SRPK1: variants seen among roughly 807,000 people sequenced by gnomAD.
The protein encoded by SRPK1 is SFRS protein kinase 1.
In SRPK1, 52 loss-of-function variants were observed where a neutral mutation model predicts 89.5. The ratio of observed to expected loss-of-function variants is 0.58; its 90% CI spans 0.46 to 0.73. The LOEUF is 0.73. Ranked by LOEUF, SRPK1 falls within the 30% of genes least tolerant of loss-of-function variation. SRPK1 has a pLI of 0.00. For missense variants in SRPK1, 603 were observed against 780.6 expected (o/e 0.77, Z 2.71); for synonymous variants, 255 against 270.2 (o/e 0.94, Z 0.55).
intron 2 of SRPK1, among the ~76,000 whole-genome samples, chr6:35,903,358 T>C (rs371224794): frequency 1.3e-5 from 2 of 151,958 alleles, no homozygotes; most frequent in African/African-American, 4.8e-5. Flanking sequence ...CTGAAAATAC[T>C]ACAATTAGTC....
chr6:35,865,819 A>T (rs1731780235), intron 12 of SRPK1, among the ~76,000 whole-genome samples: 2 of 152,152 alleles, frequency 1.3e-5, no homozygotes, highest in Admixed American at 6.5e-5. Flanking sequence ...TGAATATAAG[A>T]CCTGAAACTC....
At position 35,857,219 on chromosome 6, in the gene SRPK1, T is replaced by C. The variant is rs759175583; in HGVS notation, c.1620+42A>G. 7.7e-6 allele frequency: 11 copies of C among 1,425,110 alleles called. No homozygotes were observed. The East Asian group carries it at 2.3e-4, about 30-fold the overall frequency. The allele number at this position is 1,425,110 out of a possible 1,614,324, so 88.3% of individuals were successfully genotyped here. ...TGAAATTAGCAAACAGGGCAAGATATGTACCACTTAACAAGTGAAAGCCAA... is the reference window on the plus strand; with the variant it reads ...TGAAATTAGCAAACAGGGCAAGATACGTACCACTTAACAAGTGAAAGCCAA... On this transcript the variant is annotated intron_variant, in intron 13 of 15. Coordinates refer to ENST00000373825, the MANE Select transcript of SRPK1 (RefSeq NM_003137.5).
At chr6:35,889,463 C>T (rs192985362) in intron 3 of SRPK1, among the ~76,000 whole-genome samples, 2 of 151,984 alleles carry the variant, frequency 1.3e-5, no homozygotes, top group African/African-American at 4.8e-5. Context: ...GCCTGGCCAA[C>T]ATAGTGAAAC....
intron 6 of SRPK1, among the ~76,000 whole-genome samples, chr6:35,878,016 A>G (rs1770193537): frequency 6.6e-6 from 1 of 152,242 alleles, no homozygotes. Context: ...TGGAAAAATA[A>G]TCCAAACAAA....
At chr6:35,916,017 C>A (rs1160715151) in intron 2 of SRPK1, among the ~76,000 whole-genome samples, 2 of 99,810 alleles carry the variant, frequency 2.0e-5, no homozygotes, top group African/African-American at 2.9e-5. Flanking sequence ...CACACACACA[C>A]ACACACACAC....
intron 2 of SRPK1, among the ~76,000 whole-genome samples, chr6:35,891,358 T>A (rs1443549122): frequency 1.3e-5 from 2 of 152,214 alleles, no homozygotes; most frequent in Non-Finnish European, 2.9e-5. Context: ...ACATACTACA[T>A]AAACAAATTT....
chr6:35,850,674 T>C (rs950086960), intron 13 of SRPK1, among the ~76,000 whole-genome samples: 1 of 152,180 alleles, frequency 6.6e-6, no homozygotes, highest in African/African-American at 2.4e-5. Flanking sequence ...AATGCATATG[T>C]CTACTGCACA....
chr6:35,870,563 G>A (rs1487768977), intron 9 of SRPK1, 69 bp from the exon 10 acceptor site: 14 of 1,375,836 alleles, frequency 1.0e-5, no homozygotes, highest in South Asian at 1.4e-5. Flanking sequence ...GGAGATAGTT[G>A]TTAACTTTAA....
At chr6:35,898,619 C>A (rs1451020368) in intron 2 of SRPK1, among the ~76,000 whole-genome samples, 1 of 152,118 alleles carries the variant, frequency 6.6e-6, no homozygotes, top group East Asian at 1.9e-4. Flanking sequence ...GTAATCTCAG[C>A]TACTTGGGAG....
At chr6:35,913,969 CTTTTTTTTTTTTT>C (rs545555860) in intron 2 of SRPK1, among the ~76,000 whole-genome samples, 9 of 92,934 alleles carry the variant, frequency 9.7e-5, no homozygotes, top group Non-Finnish European at 1.5e-4. Context: ...GATACTTTCT[CTTTTTTTTTTTTT>C]TTTTTTTTTT....
intron 5 of SRPK1, 163 bp downstream of exon 5, chr6:35,887,861 T>C: frequency 2.2e-6 from 1 of 445,696 alleles, no homozygotes; most frequent in East Asian, 3.5e-5. Flanking sequence ...ACTACATGCA[T>C]GGTATGTGTA....
At chr6:35,890,287 GA>G (rs1411989618) in intron 3 of SRPK1, among the ~76,000 whole-genome samples, 2 of 152,116 alleles carry the variant, frequency 1.3e-5, no homozygotes, top group African/African-American at 2.4e-5. Flanking sequence ...CAAAAAACCA[GA>G]AAACAGAAGA....
intron 13 of SRPK1, among the ~76,000 whole-genome samples, chr6:35,846,647 A>C (rs1227525386): frequency 6.6e-6 from 1 of 152,130 alleles, no homozygotes; most frequent in Non-Finnish European, 1.5e-5. Context: ...AGGATAAGAG[A>C]CTACTATGCA....
At chr6:35,874,385 C>T (rs763010116) in intron 6 of SRPK1, 46 bp from the exon 7 acceptor site, 20 of 1,326,136 alleles carry the variant, frequency 1.5e-5, no homozygotes, top group South Asian at 4.9e-5. Context: ...AAGAAGAACA[C>T]GGCAAGACAA....
At chr6:35,892,388 A>G (rs1770535448) in intron 2 of SRPK1, among the ~76,000 whole-genome samples, 1 of 152,152 alleles carries the variant, frequency 6.6e-6, no homozygotes, top group Non-Finnish European at 1.5e-5. Context: ...TCTGGGCCTC[A>G]TGCCTGTAAT....
intron 2 of SRPK1, among the ~76,000 whole-genome samples, chr6:35,915,491 G>C (rs1470071836): frequency 6.6e-6 from 1 of 151,170 alleles, no homozygotes; most frequent in African/African-American, 2.4e-5. Flanking sequence ...TATACCATTC[G>C]AAGTATTTAT....
chr6:35,848,489 G>A (rs536818929), intron 13 of SRPK1, among the ~76,000 whole-genome samples: 41 of 152,322 alleles, frequency 2.7e-4, no homozygotes, highest in African/African-American at 9.6e-4. Flanking sequence ...CCCAGGAAGC[G>A]GAGGCTGAAG....
chr6:35,890,820 G>A, intron 3 of SRPK1, 75 bp downstream of exon 3: 1 of 1,338,772 alleles, frequency 7.5e-7, no homozygotes, highest in Non-Finnish European at 1.0e-6. Flanking sequence ...TGTTTATGCT[G>A]ATAGATCAAA....
At chr6:35,903,319 C>T (rs969832850) in intron 2 of SRPK1, among the ~76,000 whole-genome samples, 7 of 152,206 alleles carry the variant, frequency 4.6e-5, no homozygotes, top group African/African-American at 1.7e-4. Context: ...TGAGACCAGC[C>T]TGGCCAACCT....
Sources: allele counts gnomAD v4.1 joint callset (sites outside exome capture counted in the v4.1 genomes callset), GRCh38; gene constraint gnomAD v4.1.1; transcripts MANE v1.5; gene names NCBI Gene and HGNC (gene_info 2026-07-23, HGNC 2026-07-21).